The following SCFD2 variants were observed in gnomAD, a reference collection of about 807,000 sequenced individuals.
SCFD2 encodes the protein sec1 family domain-containing protein 2.
SCFD2 carries 54 observed loss-of-function variants against 58.9 expected under a neutral mutation model. The ratio of observed to expected loss-of-function variants is 0.92; its 90% CI spans 0.74 to 1.15. The LOEUF is 1.15. Among genes scored for constraint, SCFD2 ranks in the 50% most tolerant of loss-of-function variants. The pLI is 0.00. For missense variants in SCFD2, 805 were observed against 836.6 expected (o/e 0.96, Z 0.47); for synonymous variants, 321 against 335.9 (o/e 0.96, Z 0.49).
At chr4:53,294,627 G>A (rs1050289394) in intron 3 of SCFD2, among the ~76,000 whole-genome samples, 35 of 152,316 alleles carry the variant, frequency 2.3e-4, no homozygotes, top group African/African-American at 7.5e-4. Context: ...TTACTGTGCA[G>A]AAGCTCTTTA....
At position 53,131,113 on chromosome 4, in the gene SCFD2, AG is replaced by A. The variant is rs372917093; in HGVS notation, c.1561+14219del. 3.5e-3 allele frequency among the ~76,000 whole-genome samples: 538 copies of A among 152,376 alleles called. 4 individuals carry two copies. The highest frequency in any genetic ancestry group is 0.012 in the African/African-American group (509 of 41,594). On this transcript the variant is annotated intron_variant, in intron 5 of 8. Coordinates refer to ENST00000401642, the MANE Select transcript of SCFD2 (RefSeq NM_152540.4). ...AAAATGAATGATTCAGCAGAAAAAA[AG>A]GAAAAAGGCAGTACCAACAAAATGA...
chr4:52,928,101 G>A (rs770517055), intron 5 of SCFD2, among the ~76,000 whole-genome samples: 11 of 152,120 alleles, frequency 7.2e-5, no homozygotes, highest in Non-Finnish European at 1.5e-4. Context: ...TTGGGAGACC[G>A]AGGTGGGAGG....
chr4:53,159,551 G>C (rs1446378042), intron 4 of SCFD2, among the ~76,000 whole-genome samples: 2 of 152,132 alleles, frequency 1.3e-5, no homozygotes, highest in Admixed American at 1.3e-4. Context: ...TATGAGAGTA[G>C]AGGCAGTAGC....
At chr4:53,334,698 A>T (rs895014256) in intron 2 of SCFD2, among the ~76,000 whole-genome samples, 7 of 151,994 alleles carry the variant, frequency 4.6e-5, no homozygotes, top group Non-Finnish European at 7.4e-5. Flanking sequence ...ACATGTATAC[A>T]TATGTAACTA....
intron 3 of SCFD2, among the ~76,000 whole-genome samples, chr4:53,304,743 C>T (rs1197831075): frequency 1.3e-5 from 2 of 151,992 alleles, no homozygotes; most frequent in African/African-American, 2.4e-5. Context: ...TGTCAAGGTT[C>T]TTAGCTTTCT....
At chr4:53,003,003 G>A (rs371380027) in intron 5 of SCFD2, among the ~76,000 whole-genome samples, 12 of 152,240 alleles carry the variant, frequency 7.9e-5, no homozygotes, top group East Asian at 3.9e-4. Context: ...CAATTCACTC[G>A]CTCACTATCA....
chr4:53,353,775 G>T (rs62325964), intron 1 of SCFD2, among the ~76,000 whole-genome samples: 1 of 140,430 alleles, frequency 7.1e-6, no homozygotes, highest in Admixed American at 6.8e-5. Flanking sequence ...CTAGACACAG[G>T]GTGCTGATTG....
At chr4:53,236,263 C>T (rs1355588040) in intron 4 of SCFD2, among the ~76,000 whole-genome samples, 2 of 152,118 alleles carry the variant, frequency 1.3e-5, no homozygotes, top group African/African-American at 4.8e-5. Context: ...GAACATCGAA[C>T]TCTCAAGTTC....
At chr4:52,905,701 G>A (rs981616883) in intron 7 of SCFD2, among the ~76,000 whole-genome samples, 1 of 152,220 alleles carries the variant, frequency 6.6e-6, no homozygotes, top group Non-Finnish European at 1.5e-5. Flanking sequence ...TGCCCAGGAC[G>A]ATTCTAAACA....
At chr4:52,970,118 T>C (rs1721060806) in intron 5 of SCFD2, among the ~76,000 whole-genome samples, 1 of 152,196 alleles carries the variant, frequency 6.6e-6, no homozygotes, top group South Asian at 2.1e-4. Flanking sequence ...GATTTCTTCA[T>C]TTCCAACTGA....
chr4:53,012,836 G>GTGTGTTT (rs1553914338), intron 5 of SCFD2, among the ~76,000 whole-genome samples: 4 of 145,084 alleles, frequency 2.8e-5, no homozygotes, highest in Non-Finnish European at 4.5e-5. Context: ...GTGTGTGTGT[G>GTGTGTTT]TTTTTTTTTA....
chr4:53,253,223 A>G (rs1268358626), intron 4 of SCFD2, among the ~76,000 whole-genome samples: 3 of 152,232 alleles, frequency 2.0e-5, no homozygotes, highest in Non-Finnish European at 2.9e-5. Context: ...GGCAATCATC[A>G]AAAAGTCAGG....
chr4:53,214,179 G>A (rs1560389071), intron 4 of SCFD2, among the ~76,000 whole-genome samples: 2 of 152,134 alleles, frequency 1.3e-5, no homozygotes. Context: ...CCAGTAATGG[G>A]ATGGCTAGGT....
At chr4:53,292,118 C>T (rs1186686277) in intron 3 of SCFD2, among the ~76,000 whole-genome samples, 2 of 151,896 alleles carry the variant, frequency 1.3e-5, no homozygotes, top group South Asian at 2.1e-4. Context: ...CTAGGCAATA[C>T]CATTCAGCAC....
intron 5 of SCFD2, among the ~76,000 whole-genome samples, chr4:53,091,407 G>A (rs1373733863): frequency 6.6e-6 from 1 of 151,626 alleles, no homozygotes; most frequent in East Asian, 1.9e-4. Context: ...TGCTAGGATG[G>A]TGTGTAAGTC....
chr4:53,312,070 G>A (rs574028677), intron 3 of SCFD2, among the ~76,000 whole-genome samples: 12 of 152,230 alleles, frequency 7.9e-5, no homozygotes, highest in African/African-American at 2.4e-4. Flanking sequence ...TGGAGGGACA[G>A]AAGGAAGGAA....
intron 4 of SCFD2, among the ~76,000 whole-genome samples, chr4:53,272,509 C>T (rs375742151): frequency 6.6e-6 from 1 of 152,070 alleles, no homozygotes; most frequent in East Asian, 1.9e-4. Context: ...CACCATGGAA[C>T]ACTATGCAGC....
At chr4:53,281,395 A>T (rs1172807246) in intron 3 of SCFD2, among the ~76,000 whole-genome samples, 1 of 152,204 alleles carries the variant, frequency 6.6e-6, no homozygotes, top group Non-Finnish European at 1.5e-5. Flanking sequence ...CATATATATC[A>T]TAGAAAAAAT....
chr4:53,089,250 C>T (rs1270524716), intron 5 of SCFD2, among the ~76,000 whole-genome samples: 2 of 152,088 alleles, frequency 1.3e-5, no homozygotes, highest in Admixed American at 1.3e-4. Flanking sequence ...TTTTATTGGT[C>T]AGTTTTAAGA....
Sources: gnomAD v4.1 joint callset for allele counts (sites outside exome capture counted in the v4.1 genomes callset) on GRCh38, gnomAD v4.1.1 for gene constraint, MANE v1.5 for transcripts, NCBI Gene and HGNC (gene_info 2026-07-23, HGNC 2026-07-21) for gene names.